PCDHAC2: variants seen among roughly 807,000 people sequenced by gnomAD.
The protein encoded by PCDHAC2 is protocadherin alpha subfamily C, 2.
PCDHAC2 carries 24 observed loss-of-function variants against 63.3 expected under a neutral mutation model. The observed-to-expected ratio is 0.38, with a 90% CI of 0.27 to 0.53. The LOEUF (loss-of-function observed/expected upper bound fraction) is 0.53, where lower values mean the gene tolerates loss of function less well. Among genes scored for constraint, PCDHAC2 ranks in the 20% least tolerant of loss-of-function variants. PCDHAC2 has a pLI of 0.81. For missense variants in PCDHAC2, 1,181 were observed against 1,275.2 expected, an observed-to-expected ratio of 0.93 and a Z score of 1.12; for synonymous variants, 569 against 529.4, an observed-to-expected ratio of 1.07 and a Z score of -1.03.
intron 3 of PCDHAC2, among the ~76,000 whole-genome samples, chr5:140,989,687 G>A (rs956131200): frequency 2.0e-4 from 31 of 152,176 alleles, no homozygotes; most frequent in African/African-American, 6.3e-4. Flanking sequence ...TCAAAGGAAC[G>A]TGAAAATTTT....
intron 2 of PCDHAC2, among the ~76,000 whole-genome samples, 188 bp downstream of exon 2, chr5:140,979,195 T>C (rs1554240340): frequency 1.3e-5 from 2 of 152,232 alleles, no homozygotes; most frequent in African/African-American, 4.8e-5. Context: ...GCCAGATGCT[T>C]ATCAAGTGCT....
At chr5:140,973,697 C>G (rs1474916406) in intron 1 of PCDHAC2, among the ~76,000 whole-genome samples, 1 of 152,226 alleles carries the variant, frequency 6.6e-6, no homozygotes, top group Non-Finnish European at 1.5e-5. Context: ...CTGTTTCCTT[C>G]TGACCCAGGA....
In PCDHAC2 at chr5:141,010,358, C is replaced by G; in HGVS notation, c.*421C>G. 1 of 1,488,620 alleles carries G rather than the reference C, an allele frequency of 6.7e-7. No homozygotes were observed. The highest frequency in any genetic ancestry group is 1.3e-5 in the South Asian group (1 of 76,158). 92.2% of individuals were successfully genotyped at this position (1,488,620 alleles called of 1,614,324 possible). On this transcript the variant is annotated 3_prime_UTR_variant, in exon 4 of 4. Transcript: ENST00000289269. ...GTGGCCACTGGGTATGTGTGGCTAC[C>G]GCGGGTATGCGAGTGCCAGATATTG...
chr5:140,980,044 T>G (rs1249451662), intron 2 of PCDHAC2, among the ~76,000 whole-genome samples: 11 of 152,258 alleles, frequency 7.2e-5, no homozygotes, highest in Non-Finnish European at 1.5e-4. Flanking sequence ...GGGTGCTATT[T>G]CTGATTCAGA....
chr5:141,001,811 C>A (rs1200900455), intron 3 of PCDHAC2, among the ~76,000 whole-genome samples: 1 of 152,128 alleles, frequency 6.6e-6, no homozygotes, highest in Non-Finnish European at 1.5e-5. Flanking sequence ...ATTCTACAAT[C>A]GGCCAAATTC....
rs2154002003 is a variant in PCDHAC2, at chr5:141,010,389, G to GAC, written c.*453_*454dup. The stretch of plus-strand genomic sequence containing the variant: ...TATGCGAGTGCCAGATATTGGCTGA[G>GAC]ACGAGCCAGCTTAGACTAATTGGTA... On this transcript the variant is annotated 3_prime_UTR_variant, in exon 4 of 4. Coordinates refer to ENST00000289269, the MANE Select transcript of PCDHAC2 (RefSeq NM_018899.6). 1.4e-6 allele frequency: 2 copies of GAC among 1,400,314 alleles called. No individual in the cohort carries two copies. The highest frequency in any genetic ancestry group is 5.0e-5 in the East Asian group (2 of 40,030). The allele number at this position is 1,400,314 out of a possible 1,614,324, so 86.7% of individuals were successfully genotyped here. A position where few individuals can be genotyped will look rare whatever the true frequency, so the allele number is the denominator to read the frequency against.
intron 3 of PCDHAC2, among the ~76,000 whole-genome samples, chr5:140,986,174 A>G (rs896771813): frequency 1.3e-5 from 2 of 152,238 alleles, no homozygotes; most frequent in Admixed American, 6.5e-5. Flanking sequence ...CAGGATAAAC[A>G]AGTCAGGCAT....
rs2096024240 is a variant in PCDHAC2, at chr5:140,966,591, C to A, written c.-176C>A. On this transcript the variant is annotated 5_prime_UTR_variant, in exon 1 of 4. Coordinates refer to ENST00000289269, the MANE Select transcript of PCDHAC2 (RefSeq NM_018899.6). Reference sequence around the variant, plus strand: ...TGGGGAGTCAGCGAGGACGGTGGGGCCAGGAGCCCTTGGGAGGGCCTACGG... The same window carrying A: ...TGGGGAGTCAGCGAGGACGGTGGGGACAGGAGCCCTTGGGAGGGCCTACGG... 1.7e-6 allele frequency: 1 copy of A among 588,704 alleles called. No individual in the cohort carries two copies. The highest frequency in any genetic ancestry group is 2.7e-6 in the Non-Finnish European group (1 of 372,998). 36.5% of individuals were successfully genotyped at this position (588,704 alleles called of 1,614,324 possible). A position where few individuals can be genotyped will look rare whatever the true frequency, so the allele number is the denominator to read the frequency against.
In PCDHAC2 at chr5:140,966,994, C is replaced by T; in HGVS notation, c.228C>T (p.Cys76=). ...AGCTGCGGCGCTTGGGGCCGGGTTGCTTGCGCATCAACCATCTGGGTGCGC... is the reference window on the plus strand; with the variant it reads ...AGCTGCGGCGCTTGGGGCCGGGTTGTTTGCGCATCAACCATCTGGGTGCGC... ...GLELRRLGPG[C]LRINHLGAPS... Residue 76 remains cysteine, a synonymous_variant, in exon 1 of 4, where the codon TGC becomes TGT. Transcript: ENST00000289269. 1 of 1,604,620 alleles carries T rather than the reference C, an allele frequency of 6.2e-7. No individual in the cohort carries two copies. Among genetic ancestry groups the T allele is most frequent in the Non-Finnish European group, 8.5e-7 (1 of 1,177,748 alleles).
chr5:140,978,702 T>G (rs1200035752), intron 1 of PCDHAC2, among the ~76,000 whole-genome samples: 2 of 152,252 alleles, frequency 1.3e-5, no homozygotes, highest in Non-Finnish European at 2.9e-5. Context: ...AAGCCAAAGG[T>G]GGCCTTTACA....
intron 3 of PCDHAC2, among the ~76,000 whole-genome samples, chr5:140,994,520 T>C (rs2097631658): frequency 6.8e-6 from 1 of 147,840 alleles, no homozygotes; most frequent in African/African-American, 2.6e-5. Context: ...CTGGGCAACA[T>C]GGCAAAACCC....
At position 140,969,348 on chromosome 5, in the gene PCDHAC2, G is replaced by A; in HGVS notation, c.2565+17G>A. On this transcript the variant is annotated intron_variant, in intron 1 of 3. Coordinates refer to ENST00000289269, the MANE Select transcript of PCDHAC2 (RefSeq NM_018899.6). Reference sequence around the variant, plus strand: ...CAAAATGAGGTGAGACAGTGGTCAGGGGGTCTTCTACAAACTCATGCATTT... The same window carrying A: ...CAAAATGAGGTGAGACAGTGGTCAGAGGGTCTTCTACAAACTCATGCATTT... 5 of 1,613,304 alleles carry A rather than the reference G, an allele frequency of 3.1e-6. No individual in the cohort carries two copies. Among genetic ancestry groups the A allele is most frequent in the Non-Finnish European group, 4.2e-6 (5 of 1,179,716 alleles).
chr5:140,989,727 A>C (rs1203211477), intron 3 of PCDHAC2, among the ~76,000 whole-genome samples: 7 of 152,190 alleles, frequency 4.6e-5, no homozygotes, highest in African/African-American at 1.7e-4. Context: ...TTTGCAGTTG[A>C]AAAGGCCATT....
In PCDHAC2 at chr5:140,968,464, C is replaced by G. The variant is rs1554230763; in HGVS notation, c.1698C>G (p.Asn566Lys). 1 of 1,614,114 alleles carries G rather than the reference C, an allele frequency of 6.2e-7. No homozygotes were observed. The highest frequency in any genetic ancestry group is 8.5e-7 in the Non-Finnish European group (1 of 1,180,026). The change falls in exon 1 of 4, where the codon AAC becomes AAG. Residue 566 changes from asparagine (N) to lysine (K), a missense_variant. Asn to Lys is a moderately conservative substitution (Grantham distance 94, BLOSUM62 0). This residue lies in a region of PCDHAC2 where 968 missense variants were observed against 1,073.5 expected (regional missense o/e 0.90). Transcript: ENST00000289269. The stretch of plus-strand genomic sequence containing the variant: ...CACTGAGCAGCACTGTGACTGCCAA[C>G]GTATATGTGGTGGACATGAATGACC... ...SPPLSSTVTANVYVVDMNDHA... is the reference protein window; with the variant it reads ...SPPLSSTVTAKVYVVDMNDHA...
chr5:141,003,856 ATG>A (rs1554259354), intron 3 of PCDHAC2, among the ~76,000 whole-genome samples: 1 of 152,144 alleles, frequency 6.6e-6, no homozygotes, highest in Non-Finnish European at 1.5e-5. Flanking sequence ...CCAGATTTAT[ATG>A]TGTCTGAAAT....
intron 3 of PCDHAC2, among the ~76,000 whole-genome samples, chr5:140,992,017 CTG>C (rs10602499): frequency 0.14 from 19,772 of 145,244 alleles, 1,405 homozygotes; most frequent in African/African-American, 0.18. Flanking sequence ...AGAGGTGGCT[CTG>C]TGTGTGTGTG....
At chr5:140,972,170 C>G (rs1001419960) in intron 1 of PCDHAC2, among the ~76,000 whole-genome samples, 2 of 152,034 alleles carry the variant, frequency 1.3e-5, no homozygotes, top group African/African-American at 4.8e-5. Flanking sequence ...GAGACAGAGT[C>G]TTGGCCTGTC....
chr5:141,005,701 CAAAAA>C (rs59860837), intron 3 of PCDHAC2, among the ~76,000 whole-genome samples: 1 of 7,786 alleles, frequency 1.3e-4, no homozygotes, highest in Non-Finnish European at 2.7e-4. Context: ...AACTCCGTCT[CAAAAA>C]AAAAAAAAAA....
Position 141,010,339 on chromosome 5 carries a change from A to C in PCDHAC2, c.*402A>C. ...TTGAGCAGCTTGGGAGTTTGTGGCCACTGGGTATGTGTGGCTACCGCGGGT... is the reference window on the plus strand; with the variant it reads ...TTGAGCAGCTTGGGAGTTTGTGGCCCCTGGGTATGTGTGGCTACCGCGGGT... On this transcript the variant is annotated 3_prime_UTR_variant, in exon 4 of 4. Coordinates refer to ENST00000289269, the MANE Select transcript of PCDHAC2 (RefSeq NM_018899.6). 6.5e-7 allele frequency: 1 copy of C among 1,534,060 alleles called. No homozygotes were observed. The highest frequency in any genetic ancestry group is 8.8e-7 in the Non-Finnish European group (1 of 1,140,682).
Sources: gnomAD v4.1 joint callset for allele counts (sites outside exome capture counted in the v4.1 genomes callset) on GRCh38, gnomAD v4.1.1 for gene constraint, gnomAD v4.1.1 regional missense constraint, MANE v1.5 for transcripts, NCBI Gene and HGNC (gene_info 2026-07-23, HGNC 2026-07-21) for gene names.